MLLT3: variants seen among roughly 807,000 people sequenced by gnomAD.
MLLT3 encodes protein AF-9.
A neutral mutation model predicts 53.2 loss-of-function variants in MLLT3; 4 were observed. The ratio of observed to expected loss-of-function variants is 0.08; its 90% CI spans 0.04 to 0.17. The LOEUF is 0.17. MLLT3 is among the 10% of genes least tolerant of loss of function. The pLI, the probability that MLLT3 is intolerant of heterozygous loss-of-function variation, is 1.00. For missense variants in MLLT3, 569 were observed against 684.0 expected, an observed-to-expected ratio of 0.83 and a Z score of 1.87; for synonymous variants, 283 against 230.6, an observed-to-expected ratio of 1.23 and a Z score of -2.06.
At chr9:20,503,010 C>A (rs895424127) in intron 2 of MLLT3, among the ~76,000 whole-genome samples, 1 of 152,008 alleles carries the variant, frequency 6.6e-6, no homozygotes, top group Admixed American at 6.6e-5. Flanking sequence ...GTTGAAAGAC[C>A]TGTACACCAG....
chr9:20,535,878 T>C (rs1404760061), intron 2 of MLLT3, among the ~76,000 whole-genome samples: 1 of 152,166 alleles, frequency 6.6e-6, no homozygotes, highest in Non-Finnish European at 1.5e-5. Flanking sequence ...ATCCAAACAA[T>C]GCATAAATTA....
intron 2 of MLLT3, among the ~76,000 whole-genome samples, chr9:20,495,603 T>C (rs1243633160): frequency 6.6e-6 from 1 of 152,178 alleles, no homozygotes; most frequent in Non-Finnish European, 1.5e-5. Flanking sequence ...AGCGTTTTCA[T>C]TACACAACCG....
intron 2 of MLLT3, among the ~76,000 whole-genome samples, chr9:20,495,736 A>G (rs1825066124): frequency 6.6e-6 from 1 of 152,178 alleles, no homozygotes; most frequent in South Asian, 2.1e-4. Flanking sequence ...TGTGGATGAA[A>G]TCTATTTTTA....
chr9:20,375,133 A>G (rs1489006179), intron 5 of MLLT3, among the ~76,000 whole-genome samples: 1 of 152,252 alleles, frequency 6.6e-6, no homozygotes, highest in East Asian at 1.9e-4. Flanking sequence ...TAAGACACTC[A>G]GTCTACTGTA....
At chr9:20,445,681 C>T (rs1342660939) in intron 4 of MLLT3, among the ~76,000 whole-genome samples, 1 of 152,048 alleles carries the variant, frequency 6.6e-6, no homozygotes, top group African/African-American at 2.4e-5. Flanking sequence ...AGAGAAGGAA[C>T]CATAGCCAAA....
At chr9:20,479,855 T>G (rs969548452) in intron 2 of MLLT3, among the ~76,000 whole-genome samples, 3 of 152,202 alleles carry the variant, frequency 2.0e-5, no homozygotes, top group Non-Finnish European at 2.9e-5. Flanking sequence ...TGCATCACAA[T>G]GGCTTATTTT....
chr9:20,568,388 G>A (rs1819439723), intron 2 of MLLT3, among the ~76,000 whole-genome samples: 3 of 152,116 alleles, frequency 2.0e-5, no homozygotes, highest in Admixed American at 1.3e-4. Context: ...AAAATAAAAT[G>A]CTAATACCTC....
chr9:20,612,010 A>G (rs111815851), intron 2 of MLLT3, among the ~76,000 whole-genome samples: 177 of 152,298 alleles, frequency 1.2e-3, no homozygotes, highest in African/African-American at 4.1e-3. Context: ...AAGTAGCTAT[A>G]GAACTTTTTC....
Position 20,360,755 on chromosome 9 carries a change from G to A in MLLT3, c.1418C>T (p.Thr473Ile). The change falls in exon 8 of 11, where the codon ACC becomes ATC. Residue 473 changes from threonine (T) to isoleucine (I), a missense_variant. Physicochemically the swap from Thr to Ile is moderately conservative, Grantham distance 89. Coordinates refer to ENST00000380338, the MANE Select transcript of MLLT3 (RefSeq NM_004529.4). The part of the protein sequence containing the change: ...HHEPPPPLLK[T>I]NNNQILEVKS... Reference sequence around the variant, plus strand: ...CCCACAATTTACCTGGTTGTTGTTGGTTTTTAGTAAGGGTGGTGGAGGTTC... The same window carrying A: ...CCCACAATTTACCTGGTTGTTGTTGATTTTTAGTAAGGGTGGTGGAGGTTC... The A allele has an allele frequency of 1.2e-6, 2 of 1,613,936 alleles. No homozygotes were observed. Among genetic ancestry groups the A allele is most frequent in the Non-Finnish European group, 1.7e-6 (2 of 1,179,800 alleles).
In MLLT3 at chr9:20,542,278, C is replaced by T. The variant is rs966621114; in HGVS notation, c.193+78376G>A. Among the ~76,000 whole-genome samples the T allele has an allele frequency of 2.3e-5, 3 of 133,282 alleles. No individual in the cohort carries two copies. The East Asian group carries it at 6.7e-4, about 30-fold the overall frequency. 87.4% of individuals were successfully genotyped at this position (133,282 alleles called of 152,430 possible). A position where few individuals can be genotyped will look rare whatever the true frequency, so the allele number is the denominator to read the frequency against. ...TTTTTTTTTGAGACGGAGTCTTGCT[C>T]TGTCGCCCAGGCCGGACTGCGGACC... On this transcript the variant is annotated intron_variant, in intron 2 of 10. Transcript: ENST00000380338.
In MLLT3 at chr9:20,442,492, T is replaced by C. The variant is rs939935256; in HGVS notation, c.420+5631A>G. 2.6e-5 allele frequency among the ~76,000 whole-genome samples: 4 copies of C among 152,164 alleles called. No individual in the cohort carries two copies. In the East Asian group the frequency reaches 7.7e-4, roughly 29 times the overall value. On this transcript the variant is annotated intron_variant, in intron 4 of 10. Transcript: ENST00000380338. ...ATGCACTGTGTGTATATTTACCTAT[T>C]CAAAAAAATTAAAATTTGAAGAGAA...
At chr9:20,589,707 TCGGTGA>T (rs1820077512) in intron 2 of MLLT3, among the ~76,000 whole-genome samples, 16 of 141,874 alleles carry the variant, frequency 1.1e-4, no homozygotes, top group Non-Finnish European at 1.5e-4. Context: ...ATGGTTTTAA[TCGGTGA>T]TTTTTTTTTT....
chr9:20,469,883 A>G, intron 2 of MLLT3, among the ~76,000 whole-genome samples: 1 of 152,070 alleles, frequency 6.6e-6, no homozygotes, highest in African/African-American at 2.4e-5. Context: ...GAACTTAGGT[A>G]CAACACAGAT....
At chr9:20,576,238 T>G (rs1158883474) in intron 2 of MLLT3, among the ~76,000 whole-genome samples, 1 of 152,204 alleles carries the variant, frequency 6.6e-6, no homozygotes, top group African/African-American at 2.4e-5. Context: ...AGGCTTTGGC[T>G]TAAGAGAATG....
intron 5 of MLLT3, among the ~76,000 whole-genome samples, chr9:20,368,166 C>G (rs1463023003): frequency 1.3e-5 from 2 of 152,204 alleles, no homozygotes; most frequent in African/African-American, 4.8e-5. Flanking sequence ...TACAAATGCT[C>G]TATAAGGTAC....
At chr9:20,492,599 T>G (rs1824976898) in intron 2 of MLLT3, among the ~76,000 whole-genome samples, 1 of 151,826 alleles carries the variant, frequency 6.6e-6, no homozygotes, top group Admixed American at 6.6e-5. Context: ...CCCACATATA[T>G]TAAGATATAT....
At chr9:20,435,571 T>C (rs901879470) in intron 4 of MLLT3, among the ~76,000 whole-genome samples, 2 of 152,252 alleles carry the variant, frequency 1.3e-5, no homozygotes, top group East Asian at 1.9e-4. Flanking sequence ...AGGCAAGCAC[T>C]AAGCTAAAAA....
At chr9:20,590,976 C>T (rs1036455577) in intron 2 of MLLT3, among the ~76,000 whole-genome samples, 4 of 151,870 alleles carry the variant, frequency 2.6e-5, no homozygotes, top group Non-Finnish European at 5.9e-5. Context: ...TCTTGAACTA[C>T]TGGCCTCAGG....
chr9:20,454,232 A>AGTGTGTGT (rs137999564), intron 3 of MLLT3, among the ~76,000 whole-genome samples: 2 of 149,322 alleles, frequency 1.3e-5, no homozygotes, highest in South Asian at 2.1e-4. Flanking sequence ...AGAAGACTGA[A>AGTGTGTGT]GTGTGTGTGT....
Sources: allele counts gnomAD v4.1 joint callset (sites outside exome capture counted in the v4.1 genomes callset), GRCh38; gene constraint gnomAD v4.1.1; transcripts MANE v1.5; gene names NCBI Gene and HGNC (gene_info 2026-07-23, HGNC 2026-07-21).